Variants in KLHL5 observed in about 807,000 individuals in gnomAD.
KLHL5 encodes the protein kelch-like protein 5.
In KLHL5, 48 loss-of-function variants were observed where a neutral mutation model predicts 77.7. The ratio of observed to expected loss-of-function variants is 0.62; its 90% confidence interval spans 0.49 to 0.79. The LOEUF is 0.79. Among genes scored for constraint, KLHL5 ranks in the 30% least tolerant of loss-of-function variants. The pLI, the probability that KLHL5 is intolerant of heterozygous loss-of-function variation, is 0.00. For synonymous variants in KLHL5, 260 were observed against 297.0 expected (o/e 0.88, Z 1.28); for missense variants, 723 against 859.7 (o/e 0.84, Z 1.99).
chr4:39,107,602 TAGG>T lies in KLHL5; in HGVS notation c.1564_1566del (p.Gly522del). The T allele has an allele frequency of 4.3e-6, 7 of 1,612,382 alleles. No individual in the cohort carries two copies. Among genetic ancestry groups the T allele is most frequent in the Non-Finnish European group, 5.9e-6 (7 of 1,178,832 alleles). ...GTACTGGAAGGTCCCATGTATGCCG[TAGG>T]AGGACATGATGGCTGGAGCTATCTG... On this transcript the variant is annotated inframe_deletion, in exon 8 of 11. Coordinates refer to ENST00000504108, the MANE Select transcript of KLHL5 (RefSeq NM_015990.5).
intron 6 of KLHL5, among the ~76,000 whole-genome samples, chr4:39,101,949 T>A (rs1254864136): frequency 1.5e-5 from 1 of 67,460 alleles, no homozygotes; most frequent in Non-Finnish European, 3.1e-5. Context: ...TATACACACA[T>A]ATATATACAC....
intron 6 of KLHL5, among the ~76,000 whole-genome samples, chr4:39,098,302 A>T: frequency 6.6e-6 from 1 of 151,412 alleles, no homozygotes; most frequent in East Asian, 2.0e-4. Context: ...TTGTTCTGTC[A>T]CCCAGGCTGA....
At chr4:39,050,394 G>A (rs1343434126) in intron 1 of KLHL5, among the ~76,000 whole-genome samples, 2 of 152,196 alleles carry the variant, frequency 1.3e-5, no homozygotes, top group African/African-American at 4.8e-5. Context: ...GGGCCTCAAA[G>A]CAACTGGCAC....
At chr4:39,130,166 C>G (rs1723742206), downstream of KLHL5, among the ~76,000 whole-genome samples, 1 of 152,074 alleles carries the variant, frequency 6.6e-6, no homozygotes, top group African/African-American at 2.4e-5. Context: ...GAGCAGAGAG[C>G]CCCGAACAGA....
intron 1 of KLHL5, among the ~76,000 whole-genome samples, chr4:39,053,273 T>G (rs1014133583): frequency 2.6e-5 from 4 of 152,220 alleles, no homozygotes; most frequent in Admixed American, 6.5e-5. Context: ...CAGAATCAAG[T>G]TGATCTGTGA....
chr4:39,140,615 G>C, the KLHL5 span, among the ~76,000 whole-genome samples: 4 of 152,198 alleles, frequency 2.6e-5, no homozygotes, highest in East Asian at 7.7e-4. Context: ...CACATCCTAG[G>C]CTTCCTCCTT....
At chr4:39,131,536 T>C (rs1269603567), downstream of KLHL5, among the ~76,000 whole-genome samples, 1 of 152,066 alleles carries the variant, frequency 6.6e-6, no homozygotes, top group Non-Finnish European at 1.5e-5. Flanking sequence ...AAACATAAAA[T>C]ATGTTATCTT....
At chr4:39,065,652 C>T (rs1239941502) in intron 1 of KLHL5, among the ~76,000 whole-genome samples, 7 of 152,040 alleles carry the variant, frequency 4.6e-5, no homozygotes, top group Admixed American at 3.9e-4. Flanking sequence ...CCACACCTGG[C>T]CTCATCAATT....
chr4:39,058,687 T>C (rs980719637), upstream of KLHL5, among the ~76,000 whole-genome samples: 7 of 152,192 alleles, frequency 4.6e-5, no homozygotes, highest in Admixed American at 2.6e-4. Flanking sequence ...CTTTATTTTA[T>C]AATTTAAAAA....
At chr4:39,068,106 C>T (rs1259457502) in intron 1 of KLHL5, among the ~76,000 whole-genome samples, 3 of 152,100 alleles carry the variant, frequency 2.0e-5, no homozygotes, top group Non-Finnish European at 2.9e-5. Context: ...TCAACTCATC[C>T]TGAAGGCATA....
chr4:39,106,195 C>G (rs1722023878), intron 7 of KLHL5, among the ~76,000 whole-genome samples: 2 of 152,162 alleles, frequency 1.3e-5, no homozygotes, highest in South Asian at 2.1e-4. Context: ...ACCTTGTTGT[C>G]CCTTAGACAC....
chr4:39,110,668 G>T (rs1722391726), intron 8 of KLHL5, among the ~76,000 whole-genome samples: 1 of 152,070 alleles, frequency 6.6e-6, no homozygotes, highest in East Asian at 1.9e-4. Flanking sequence ...GGATCTCACT[G>T]TGCTGCCCAG....
At chr4:39,087,457 GACTTGGCATATT>G (rs1379208389) in intron 5 of KLHL5, among the ~76,000 whole-genome samples, 1 of 152,174 alleles carries the variant, frequency 6.6e-6, no homozygotes, top group Non-Finnish European at 1.5e-5. Context: ...AAAACTCTGT[GACTTGGCATATT>G]CACACAGCTG....
At chr4:39,074,584 C>T (rs563213721) in intron 1 of KLHL5, among the ~76,000 whole-genome samples, 25 of 152,078 alleles carry the variant, frequency 1.6e-4, no homozygotes, top group African/African-American at 5.1e-4. Flanking sequence ...TATTCTCAGG[C>T]GGAAAAAAGA....
rs1485589858 is a variant in KLHL5 at position 39,107,680 on chromosome 4, C to A, written c.1637C>A (p.Ala546Asp). 1 of 1,612,780 alleles carries A rather than the reference C, an allele frequency of 6.2e-7. No homozygotes were observed. Among genetic ancestry groups the A allele is most frequent in the Non-Finnish European group, 8.5e-7 (1 of 1,179,192 alleles). Residue 546 changes from alanine (A) to aspartate (D), a missense_variant, in exon 8 of 11, where the codon GCC (alanine) becomes GAC (aspartate). Ala to Asp is a moderately radical substitution (Grantham distance 126). Around this residue, in one of 3 missense-constraint regions of KLHL5, gnomAD observed 214 missense variants for 237.4 expected, o/e 0.90. Coordinates refer to ENST00000504108, the MANE Select transcript of KLHL5 (RefSeq NM_015990.5). ...DPQARQWNFV[A>D]TMSTPRSTVG... ...CAGGCTCGCCAGTGGAATTTTGTTG[C>A]CACTATGTCTACCCCTAGGAGTACA...
At chr4:39,069,568 A>ATATATATAT (rs1718279187) in intron 1 of KLHL5, among the ~76,000 whole-genome samples, 15 of 144,576 alleles carry the variant, frequency 1.0e-4, no homozygotes, top group African/African-American at 2.9e-4. Flanking sequence ...ATATATATAT[A>ATATATATAT]AACCATAGAG....
chr4:39,137,915 G>A, the KLHL5 span, among the ~76,000 whole-genome samples: 11 of 152,012 alleles, frequency 7.2e-5, no homozygotes, highest in South Asian at 1.5e-3. Context: ...GGACAAGAAC[G>A]GACACTTTTC....
At chr4:39,134,910 G>A in the KLHL5 span, among the ~76,000 whole-genome samples, 1 of 152,182 alleles carries the variant, frequency 6.6e-6, no homozygotes, top group Admixed American at 6.5e-5. Context: ...GAAGTTTCAT[G>A]TCATTGAAGG....
rs745687491 is a variant in KLHL5, at chr4:39,075,946, T to G, written c.384-19T>G. 5.8e-6 allele frequency: 9 copies of G among 1,564,572 alleles called. No individual in the cohort carries two copies. In the Admixed American group the frequency reaches 1.7e-4, roughly 29 times the overall value. ...TGTGATAGTGATATTTCAAAATGTG[T>G]GTTTTTTTTTCTTTTCAGGACTTCC... On this transcript the variant is annotated intron_variant, in intron 1 of 10. Coordinates refer to ENST00000504108, the MANE Select transcript of KLHL5 (RefSeq NM_015990.5).
Sources: allele counts gnomAD v4.1 joint callset (sites outside exome capture counted in the v4.1 genomes callset), GRCh38; gene constraint gnomAD v4.1.1; regional missense constraint gnomAD v4.1.1; transcripts MANE v1.5; gene names NCBI Gene and HGNC (gene_info 2026-07-23, HGNC 2026-07-21).